Variants in ZFHX4 observed in about 807,000 individuals in gnomAD.
The protein encoded by ZFHX4 is zinc finger homeobox 4.
In ZFHX4, 56 loss-of-function variants were observed where a neutral mutation model predicts 267.6. The observed-to-expected ratio is 0.21, with a 90% CI of 0.17 to 0.26. The LOEUF is 0.26. Ranked by LOEUF, ZFHX4 falls within the 10% of genes least tolerant of loss-of-function variation. The pLI is 1.00. For synonymous variants in ZFHX4, 1,778 were observed against 1,665.6 expected (o/e 1.07, Z -1.64); for missense variants, 4,332 against 4,420.0 (o/e 0.98, Z 0.56).
chr8:76,803,024 G>T (rs1811152744), intron 4 of ZFHX4, among the ~76,000 whole-genome samples: 1 of 152,014 alleles, frequency 6.6e-6, no homozygotes, highest in South Asian at 2.1e-4. Flanking sequence ...TCCTTTAGTG[G>T]CTCTGAGACC....
chr8:76,806,169 T>G (rs1311953688), intron 4 of ZFHX4, among the ~76,000 whole-genome samples: 1 of 152,138 alleles, frequency 6.6e-6, no homozygotes, highest in Non-Finnish European at 1.5e-5. Context: ...GATCTCCTTT[T>G]CTATCACTGT....
At chr8:76,832,920 A>G (rs1223463133) in intron 4 of ZFHX4, among the ~76,000 whole-genome samples, 1 of 152,172 alleles carries the variant, frequency 6.6e-6, no homozygotes, top group Non-Finnish European at 1.5e-5. Context: ...ATCAGCTATC[A>G]TATACAGTAA....
intron 3 of ZFHX4, among the ~76,000 whole-genome samples, chr8:76,710,603 C>T (rs1040176098): frequency 6.6e-6 from 1 of 152,146 alleles, no homozygotes; most frequent in Admixed American, 6.5e-5. Context: ...GTTTAATTTA[C>T]ATCATTTTGC....
chr8:76,690,155 T>C lies in ZFHX4; in HGVS notation c.-47+8535T>C, dbSNP rs112761969. Among the ~76,000 whole-genome samples the C allele has an allele frequency of 1.8e-3, 273 of 152,160 alleles. 1 individual carries two copies. The highest frequency in any genetic ancestry group is 6.3e-3 in the African/African-American group (263 of 41,552). On this transcript the variant is annotated intron_variant, in intron 1 of 10. Transcript: ENST00000651372. Reference sequence around the variant, plus strand: ...GTAGGACATACCTCTAAAGACAACATTTATAGGTTTCATTGTGTTCTAGCT... The same window carrying C: ...GTAGGACATACCTCTAAAGACAACACTTATAGGTTTCATTGTGTTCTAGCT...
rs1263306784 is a variant in ZFHX4, at chr8:76,853,762, G to A, written c.6841G>A (p.Ala2281Thr). Reference protein sequence around the residue: ...VVWFQNARQKARKSYENQAET... With the variant: ...VVWFQNARQKTRKSYENQAET... ...ATGGTTCCAGAATGCTCGTCAGAAA[G>A]CACGAAAGAGTTATGAGAATCAAGC... The change falls in exon 10 of 11, where the codon GCA becomes ACA. Residue 2281 changes from alanine to threonine, a missense_variant. Around this residue, in one of 7 missense-constraint regions of ZFHX4, gnomAD observed 4 missense variants for 16.6 expected, o/e 0.24. Coordinates refer to ENST00000651372, the MANE Select transcript of ZFHX4 (RefSeq NM_024721.5). 1.2e-6 allele frequency: 2 copies of A among 1,613,588 alleles called. No individual in the cohort carries two copies. The highest frequency in any genetic ancestry group is 2.7e-5 in the African/African-American group (2 of 74,872).
At chr8:76,812,383 A>G (rs1276931123) in intron 4 of ZFHX4, among the ~76,000 whole-genome samples, 2 of 152,204 alleles carry the variant, frequency 1.3e-5, no homozygotes, top group East Asian at 3.8e-4. Flanking sequence ...TAGACTTGTA[A>G]TGAGTTGAGT....
chr8:76,776,171 C>G (rs984289197), intron 3 of ZFHX4, among the ~76,000 whole-genome samples: 22 of 151,904 alleles, frequency 1.4e-4, no homozygotes, highest in African/African-American at 4.3e-4. Context: ...TAAAGAAAAT[C>G]GGGTGGTGAT....
intron 3 of ZFHX4, among the ~76,000 whole-genome samples, chr8:76,716,548 A>G (rs1808580243): frequency 6.6e-6 from 1 of 152,146 alleles, no homozygotes; most frequent in African/African-American, 2.4e-5. Context: ...CCCCTAGCCC[A>G]CATTAATAAG....
Position 76,853,266 on chromosome 8 carries a change from G to C in ZFHX4, c.6345G>C (p.Gln2115His), listed in dbSNP as rs1277951005. 2.5e-6 allele frequency: 4 copies of C among 1,596,412 alleles called. No individual in the cohort carries two copies. The highest frequency in any genetic ancestry group is 2.3e-5 in the South Asian group (2 of 88,656). The change falls in exon 10 of 11, where the codon CAG (glutamine) becomes CAC (histidine). Residue 2115 changes from glutamine (Q) to histidine (H), a missense_variant. Gln to His is a conservative substitution (Grantham distance 24). Transcript: ENST00000651372. ...LSADLTQLCQ[Q>H]QLGLDPNFLR... ...CAGACCTCACCCAACTTTGCCAGCA[G>C]CAGCTCGGATTAGATCCCAACTTCT... is the stretch of plus-strand genomic sequence containing the variant.
intron 5 of ZFHX4, among the ~76,000 whole-genome samples, chr8:76,838,218 A>G (rs1812142368): frequency 6.6e-6 from 1 of 152,182 alleles, no homozygotes. Context: ...ATCGGGCATT[A>G]CCTGGAAACT....
At chr8:76,769,621 G>A (rs1185069136) in intron 3 of ZFHX4, among the ~76,000 whole-genome samples, 1 of 152,138 alleles carries the variant, frequency 6.6e-6, no homozygotes, top group African/African-American at 2.4e-5. Flanking sequence ...CAAAGTGCTA[G>A]GATCATAGGC....
At chr8:76,752,346 AC>A (rs764125534) in intron 3 of ZFHX4, among the ~76,000 whole-genome samples, 5 of 151,708 alleles carry the variant, frequency 3.3e-5, no homozygotes, top group African/African-American at 4.8e-5. Context: ...TAAAAAAAAA[AC>A]AACACACATA....
intron 1 of ZFHX4, among the ~76,000 whole-genome samples, chr8:76,699,916 CAAAT>C (rs1273216414): frequency 6.6e-6 from 1 of 151,680 alleles, no homozygotes; most frequent in Admixed American, 6.6e-5. Context: ...TACGTGGCAA[CAAAT>C]AAACAAGTAT....
chr8:76,684,866 A>G (rs1330066679), intron 1 of ZFHX4, among the ~76,000 whole-genome samples: 3 of 152,230 alleles, frequency 2.0e-5, no homozygotes, highest in Non-Finnish European at 4.4e-5. Context: ...TGAGAAAATC[A>G]CTGTTTAATA....
At position 76,855,003 on chromosome 8, in the gene ZFHX4, T is replaced by C; in HGVS notation, c.8082T>C (p.Ile2694=). ...CAAAGTCGGCCTTAGAAAGCCACATTCGCTCTCGGCACTGGAATGAAGGAA... is the reference window on the plus strand; with the variant it reads ...CAAAGTCGGCCTTAGAAAGCCACATCCGCTCTCGGCACTGGAATGAAGGAA... ...FKAKSALESH[I]RSRHWNEGKQ... Residue 2694 remains isoleucine, a synonymous_variant, in exon 10 of 11, where the codon ATT becomes ATC. Coordinates refer to ENST00000651372, the MANE Select transcript of ZFHX4 (RefSeq NM_024721.5). The C allele has an allele frequency of 6.2e-7, 1 of 1,613,942 alleles. No homozygotes were observed. Among genetic ancestry groups the C allele is most frequent in the Non-Finnish European group, 8.5e-7 (1 of 1,179,872 alleles).
At chr8:76,684,210 C>A (rs1807632507) in intron 1 of ZFHX4, among the ~76,000 whole-genome samples, 2 of 151,634 alleles carry the variant, frequency 1.3e-5, no homozygotes, top group Admixed American at 1.3e-4. Context: ...CACTGAAGAG[C>A]ATATTAAAGA....
chr8:76,783,510 T>C (rs1428709556), intron 4 of ZFHX4, among the ~76,000 whole-genome samples: 1 of 152,012 alleles, frequency 6.6e-6, no homozygotes, highest in Non-Finnish European at 1.5e-5. Context: ...TTGATTTGTT[T>C]ATATCTCTCC....
chr8:76,841,883 C>T (rs1054263170), intron 5 of ZFHX4, among the ~76,000 whole-genome samples: 1 of 152,158 alleles, frequency 6.6e-6, no homozygotes, highest in African/African-American at 2.4e-5. Context: ...AACAGTGGGC[C>T]TTTCACGGAT....
At chr8:76,795,890 G>A (rs1484574728) in intron 4 of ZFHX4, among the ~76,000 whole-genome samples, 1 of 152,036 alleles carries the variant, frequency 6.6e-6, no homozygotes, top group African/African-American at 2.4e-5. Flanking sequence ...AATTTTCATG[G>A]AATATACAGT....
Sources: gnomAD v4.1 joint callset for allele counts (sites outside exome capture counted in the v4.1 genomes callset) on GRCh38, gnomAD v4.1.1 for gene constraint, gnomAD v4.1.1 regional missense constraint, MANE v1.5 for transcripts, NCBI Gene and HGNC (gene_info 2026-07-23, HGNC 2026-07-21) for gene names.